BCAS4: variants seen among roughly 807,000 people sequenced by gnomAD.
BCAS4 encodes breast carcinoma-amplified sequence 4.
BCAS4 carries 9 observed loss-of-function variants against 15.7 expected under a neutral mutation model. The observed-to-expected ratio is 0.57, with a 90% CI of 0.34 to 1.00. The LOEUF is 1.00. BCAS4 is among the 50% of genes least tolerant of loss of function. BCAS4 has a pLI of 0.02. For synonymous variants in BCAS4, 101 were observed against 99.5 expected (o/e 1.02, Z -0.09); for missense variants, 225 against 239.1 (o/e 0.94, Z 0.39).
At chr20:50,844,097 C>T (rs1212807713) in intron 4 of BCAS4, among the ~76,000 whole-genome samples, 4 of 150,292 alleles carry the variant, frequency 2.7e-5, no homozygotes, top group African/African-American at 2.5e-5. Context: ...TTCGGTGAGC[C>T]GAGATCGCAT....
intron 2 of BCAS4, among the ~76,000 whole-genome samples, chr20:50,818,668 G>A (rs1413743790): frequency 2.0e-5 from 3 of 152,250 alleles, no homozygotes; most frequent in Admixed American, 1.3e-4. Flanking sequence ...CATGGAGACA[G>A]CCAGGAAATG....
At chr20:50,807,700 T>A (rs769450586) in intron 1 of BCAS4, among the ~76,000 whole-genome samples, 1 of 152,196 alleles carries the variant, frequency 6.6e-6, no homozygotes, top group African/African-American at 2.4e-5. Flanking sequence ...GTCCATTGTA[T>A]TATTTTTATG....
At chr20:50,814,730 T>G (rs114340650) in intron 1 of BCAS4, among the ~76,000 whole-genome samples, 2,333 of 152,308 alleles carry the variant, frequency 0.015, 67 homozygotes, top group African/African-American at 0.054. Flanking sequence ...AAGAGGGAAA[T>G]AGTAGCACCT....
chr20:50,845,418 C>A (rs568530538), intron 4 of BCAS4, among the ~76,000 whole-genome samples: 1 of 152,264 alleles, frequency 6.6e-6, no homozygotes, highest in East Asian at 1.9e-4. Flanking sequence ...AGGGTGGACA[C>A]CTCCTTTCCT....
intron 3 of BCAS4, 114 bp downstream of exon 3, chr20:50,830,494 G>A: frequency 2.6e-6 from 2 of 782,032 alleles, no homozygotes; most frequent in Non-Finnish European, 4.1e-6. Flanking sequence ...CAATGCAGGG[G>A]GTTGGTGGTG....
At chr20:50,803,857 G>C (rs1339894992) in intron 1 of BCAS4, among the ~76,000 whole-genome samples, 1 of 151,048 alleles carries the variant, frequency 6.6e-6, no homozygotes, top group African/African-American at 2.4e-5. Flanking sequence ...CCCCATCCCT[G>C]AGTATTCTGA....
At chr20:50,872,659 C>A (rs1979715861) in intron 4 of BCAS4, among the ~76,000 whole-genome samples, 1 of 152,222 alleles carries the variant, frequency 6.6e-6, no homozygotes. Flanking sequence ...AGCGCCCACC[C>A]ATGCCCACCA....
intron 4 of BCAS4, among the ~76,000 whole-genome samples, chr20:50,870,762 G>T (rs1405574822): frequency 6.6e-6 from 1 of 152,256 alleles, no homozygotes; most frequent in Non-Finnish European, 1.5e-5. Flanking sequence ...CATGCATTTG[G>T]CCTGTGCCCT....
intron 4 of BCAS4, among the ~76,000 whole-genome samples, chr20:50,854,897 G>T (rs1405615330): frequency 6.6e-6 from 1 of 152,190 alleles, no homozygotes; most frequent in African/African-American, 2.4e-5. Flanking sequence ...CATGGATCTC[G>T]CCTGCAGGAA....
upstream of BCAS4, chr20:50,795,042 C>G (rs754190374): frequency 6.8e-7 from 1 of 1,460,584 alleles, no homozygotes; most frequent in South Asian, 1.3e-5. Context: ...CAACCACGGG[C>G]TCCCAGGCAG....
intron 3 of BCAS4, among the ~76,000 whole-genome samples, chr20:50,838,673 C>T (rs538082530): frequency 2.6e-5 from 4 of 152,166 alleles, no homozygotes; most frequent in South Asian, 2.1e-4. Flanking sequence ...AGAGAAACTC[C>T]GTCTCTACTA....
In BCAS4 at chr20:50,818,088, G is replaced by A; in HGVS notation, c.91-123G>A. On this transcript the variant is annotated intron_variant, in intron 1 of 4. Coordinates refer to ENST00000371608, the MANE Select transcript of BCAS4 (RefSeq NM_198799.4). ...CTTTCAAAGGAGGCAGTGGAAGGGG[G>A]TCGAGCAGGAACCGGGCACATAATC... 3.5e-6 allele frequency: 3 copies of A among 860,392 alleles called. No individual in the cohort carries two copies. In the Admixed American group the frequency reaches 6.9e-5, roughly 20 times the overall value. The allele number at this position is 860,392 out of a possible 1,614,324, so 53.3% of individuals were successfully genotyped here. A position where few individuals can be genotyped will look rare whatever the true frequency, so the allele number is the denominator to read the frequency against.
chr20:50,797,917 G>A (rs977288851), intron 1 of BCAS4, among the ~76,000 whole-genome samples: 1 of 151,786 alleles, frequency 6.6e-6, no homozygotes, highest in Non-Finnish European at 1.5e-5. Context: ...TGCCCGCCTC[G>A]GCCTCCCAAA....
At position 50,876,886 on chromosome 20, in the gene BCAS4, C is replaced by T; in HGVS notation, c.*278C>T. ...TTCCTCCCTGCCTCATGTGAGACCA[C>T]AGGGTTTGGAGAAGCAGTTGGAACC... On this transcript the variant is annotated 3_prime_UTR_variant, in exon 5 of 5. Transcript: ENST00000371608. 1 of 260,654 alleles carries T rather than the reference C, an allele frequency of 3.8e-6. No individual in the cohort carries two copies. Among genetic ancestry groups the T allele is most frequent in the Non-Finnish European group, 7.2e-6 (1 of 139,378 alleles). 16.1% of individuals were successfully genotyped at this position (260,654 alleles called of 1,614,324 possible).
chr20:50,807,955 T>C (rs1301036668), intron 1 of BCAS4, among the ~76,000 whole-genome samples: 1 of 150,052 alleles, frequency 6.7e-6, no homozygotes, highest in Non-Finnish European at 1.5e-5. Context: ...TTACCCAGGC[T>C]GGAGTGCAGT....
chr20:50,800,124 G>C (rs2087910164), intron 1 of BCAS4, among the ~76,000 whole-genome samples: 1 of 152,200 alleles, frequency 6.6e-6, no homozygotes, highest in Non-Finnish European at 1.5e-5. Context: ...ATGGGCGGAT[G>C]TGAGATAGGG....
At chr20:50,814,917 G>C (rs529019924) in intron 1 of BCAS4, among the ~76,000 whole-genome samples, 244 of 152,200 alleles carry the variant, frequency 1.6e-3, no homozygotes, top group African/African-American at 5.3e-3. Context: ...AGACCAGCCT[G>C]GGCAACATAG....
At chr20:50,842,571 C>T (rs1044719300) in intron 4 of BCAS4, among the ~76,000 whole-genome samples, 16 of 152,194 alleles carry the variant, frequency 1.1e-4, no homozygotes, top group African/African-American at 3.9e-4. Flanking sequence ...GTGCACGTCA[C>T]CATGCCCAGC....
chr20:50,870,457 C>G (rs1476288806), intron 4 of BCAS4, among the ~76,000 whole-genome samples: 1 of 152,160 alleles, frequency 6.6e-6, no homozygotes, highest in African/African-American at 2.4e-5. Flanking sequence ...CACCCTGTCA[C>G]GTGCTGTGAC....
Sources: allele counts gnomAD v4.1 joint callset (sites outside exome capture counted in the v4.1 genomes callset), GRCh38; gene constraint gnomAD v4.1.1; transcripts MANE v1.5; gene names NCBI Gene and HGNC (gene_info 2026-07-23, HGNC 2026-07-21).